HIVEP1: variants seen among roughly 807,000 people sequenced by gnomAD.
HIVEP1 encodes the protein HIVEP zinc finger 1.
HIVEP1 carries 36 observed loss-of-function variants against 180.0 expected under a neutral mutation model. The observed-to-expected ratio is 0.20, with a 90% CI of 0.15 to 0.26. HIVEP1 has a LOEUF of 0.26. Ranked by LOEUF, HIVEP1 falls within the 10% of genes least tolerant of loss-of-function variation. The pLI is 1.00. For missense variants in HIVEP1, 3,143 were observed against 3,268.7 expected (o/e 0.96, Z 0.94); for synonymous variants, 1,239 against 1,239.0 (o/e 1.00, Z 0.00).
chr6:12,165,321 C>T (rs1278521429), downstream of HIVEP1, among the ~76,000 whole-genome samples: 1 of 152,144 alleles, frequency 6.6e-6, no homozygotes, highest in East Asian at 1.9e-4. Flanking sequence ...TTCTGGGAAA[C>T]ATGAGTTAAA....
At chr6:12,137,118 C>G (rs531626539) in intron 7 of HIVEP1, among the ~76,000 whole-genome samples, 1 of 152,096 alleles carries the variant, frequency 6.6e-6, no homozygotes, top group Non-Finnish European at 1.5e-5. Context: ...AAATGACTCA[C>G]GTCTTCAGTG....
intron 2 of HIVEP1, among the ~76,000 whole-genome samples, chr6:12,017,238 G>A (rs946232757): frequency 6.6e-6 from 1 of 152,164 alleles, no homozygotes; most frequent in Non-Finnish European, 1.5e-5. Context: ...TCTGGAATTG[G>A]TGGGTTCTTG....
intron 2 of HIVEP1, among the ~76,000 whole-genome samples, chr6:12,043,291 A>G (rs1769893747): frequency 1.3e-5 from 2 of 151,306 alleles, no homozygotes; most frequent in South Asian, 4.2e-4. Context: ...ATTTTATGTG[A>G]TATTTATATG....
chr6:12,209,816 G>C, the HIVEP1 span, among the ~76,000 whole-genome samples: 1 of 152,140 alleles, frequency 6.6e-6, no homozygotes, highest in South Asian at 2.1e-4. Context: ...AAATATTCCT[G>C]TGTGGTTAAA....
In HIVEP1 at chr6:12,163,520, G is replaced by A; in HGVS notation, c.7216G>A (p.Val2406Met). 2 of 1,614,190 alleles carry A rather than the reference G, an allele frequency of 1.2e-6. No individual in the cohort carries two copies. Among genetic ancestry groups the A allele is most frequent in the Non-Finnish European group, 1.7e-6 (2 of 1,180,036 alleles). Residue 2406 changes from valine to methionine, a missense_variant, in exon 9 of 9, where the codon GTG becomes ATG. Physicochemically the swap from Val to Met is conservative, Grantham distance 21. Transcript: ENST00000379388. The part of the protein sequence containing the change: ...YNMVPVGGIH[V>M]VPAGLTYSTF... ...TATGGTTCCAGTTGGGGGGATCCAT[G>A]TGGTACCTGCTGGCCTCACATACTC...
chr6:12,062,481 A>G (rs976313838), intron 2 of HIVEP1, among the ~76,000 whole-genome samples: 5 of 152,192 alleles, frequency 3.3e-5, no homozygotes, highest in Non-Finnish European at 7.3e-5. Context: ...ATTAATTCTA[A>G]GTTACATCTA....
chr6:12,169,280 C>T (rs1760837598), downstream of HIVEP1, among the ~76,000 whole-genome samples: 1 of 152,164 alleles, frequency 6.6e-6, no homozygotes, highest in Non-Finnish European at 1.5e-5. Context: ...ATCTGAAAGT[C>T]ATGATGCATT....
At chr6:12,191,069 A>C in the HIVEP1 span, among the ~76,000 whole-genome samples, 1 of 152,224 alleles carries the variant, frequency 6.6e-6, no homozygotes, top group African/African-American at 2.4e-5. Flanking sequence ...AGAAAAAAAA[A>C]CAGCACAGAA....
At chr6:12,050,915 G>A (rs1450261019) in intron 2 of HIVEP1, among the ~76,000 whole-genome samples, 2 of 149,998 alleles carry the variant, frequency 1.3e-5, no homozygotes, top group African/African-American at 4.9e-5. Flanking sequence ...CCAGGCGCTA[G>A]GCATGCTCAT....
intron 3 of HIVEP1, among the ~76,000 whole-genome samples, chr6:12,102,576 A>G (rs536421714): frequency 2.0e-5 from 3 of 152,338 alleles, no homozygotes; most frequent in South Asian, 2.1e-4. Flanking sequence ...TGTCATACTG[A>G]TAACAGGTAA....
At chr6:12,184,081 G>A in the HIVEP1 span, among the ~76,000 whole-genome samples, 1 of 151,476 alleles carries the variant, frequency 6.6e-6, no homozygotes, top group Non-Finnish European at 1.5e-5. Flanking sequence ...GGGGAAGTGG[G>A]AGCAATTTGT....
At chr6:12,138,514 C>G (rs1279295033) in intron 7 of HIVEP1, among the ~76,000 whole-genome samples, 1 of 152,234 alleles carries the variant, frequency 6.6e-6, no homozygotes, top group African/African-American at 2.4e-5. Flanking sequence ...TAGCCTTCCA[C>G]TAGCCCAGAG....
the HIVEP1 span, among the ~76,000 whole-genome samples, chr6:12,176,038 A>G: frequency 1.3e-5 from 2 of 152,116 alleles, no homozygotes; most frequent in Non-Finnish European, 1.5e-5. Context: ...CCCGTCAGCC[A>G]CTTAGTGAGC....
intron 2 of HIVEP1, among the ~76,000 whole-genome samples, chr6:12,073,451 A>G (rs1170858226): frequency 1.3e-5 from 2 of 151,264 alleles, no homozygotes; most frequent in Non-Finnish European, 2.9e-5. Flanking sequence ...CACTGTACCT[A>G]CCTCCTCCCA....
chr6:12,154,400 C>T lies in HIVEP1; in HGVS notation c.6488-7039C>T, dbSNP rs1759894561. ...CCCTCTTTGCCAAGGTTATCTAGGA[C>T]AGGACCTTACTTTCCATGCCCTTAG... On this transcript the variant is annotated intron_variant, in intron 7 of 8. Coordinates refer to ENST00000379388, the MANE Select transcript of HIVEP1 (RefSeq NM_002114.4). 2.6e-5 allele frequency among the ~76,000 whole-genome samples: 4 copies of T among 152,220 alleles called. 1 individual carries two copies. The South Asian group carries it at 8.3e-4, about 32-fold the overall frequency.
At chr6:12,089,312 T>C in intron 3 of HIVEP1, 75 bp downstream of exon 3, 2 of 827,238 alleles carry the variant, frequency 2.4e-6, no homozygotes, top group Non-Finnish European at 4.0e-6. Flanking sequence ...AAATGTAGCC[T>C]TATGAAATAA....
At chr6:12,047,445 C>T (rs1187209460) in intron 2 of HIVEP1, among the ~76,000 whole-genome samples, 2 of 152,158 alleles carry the variant, frequency 1.3e-5, no homozygotes, top group African/African-American at 2.4e-5. Flanking sequence ...CATAACTGGG[C>T]GAAGGGAGGA....
chr6:12,164,937 T>C lies in HIVEP1; in HGVS notation c.*476T>C, dbSNP rs1180369818. On this transcript the variant is annotated 3_prime_UTR_variant, in exon 9 of 9. Coordinates refer to ENST00000379388, the MANE Select transcript of HIVEP1 (RefSeq NM_002114.4). ...TCCTCCTTGTGTAAGACAGTAACTT[T>C]ACACTTCAGACAGATTTTCTGTGTT... 1 of 323,714 alleles carries C rather than the reference T, an allele frequency of 3.1e-6. No homozygotes were observed. Among genetic ancestry groups the C allele is most frequent in the Non-Finnish European group, 6.0e-6 (1 of 167,196 alleles). The allele number at this position is 323,714 out of a possible 1,614,324, so 20.1% of individuals were successfully genotyped here. A position where few individuals can be genotyped will look rare whatever the true frequency, so the allele number is the denominator to read the frequency against.
At chr6:12,080,732 G>GTT (rs1348260670) in intron 2 of HIVEP1, among the ~76,000 whole-genome samples, 2 of 152,120 alleles carry the variant, frequency 1.3e-5, no homozygotes, top group Non-Finnish European at 2.9e-5. Flanking sequence ...TAAGTGAAGA[G>GTT]TTTTGCAAAG....
Sources: allele counts gnomAD v4.1 joint callset (sites outside exome capture counted in the v4.1 genomes callset), GRCh38; gene constraint gnomAD v4.1.1; transcripts MANE v1.5; gene names NCBI Gene and HGNC (gene_info 2026-07-23, HGNC 2026-07-21).